HS2ST1: variants seen among roughly 807,000 people sequenced by gnomAD.
The protein encoded by HS2ST1 is heparan sulfate 2-O-sulfotransferase 1.
HS2ST1 carries 18 observed loss-of-function variants against 42.9 expected under a neutral mutation model. The observed-to-expected ratio is 0.42, with a 90% confidence interval of 0.29 to 0.62. HS2ST1 has a LOEUF of 0.62. HS2ST1 is among the 20% of genes least tolerant of loss of function. HS2ST1 has a pLI of 0.21. For synonymous variants in HS2ST1, 146 were observed against 152.9 expected (o/e 0.95, Z 0.33); for missense variants, 334 against 433.8 (o/e 0.77, Z 2.04).
chr1:87,092,964 A>G (rs928085050), intron 4 of HS2ST1, among the ~76,000 whole-genome samples: 4 of 152,004 alleles, frequency 2.6e-5, no homozygotes, highest in African/African-American at 7.2e-5. Context: ...CTAATATGAT[A>G]TATTTTTGTG....
chr1:87,031,141 A>G (rs1650228354), intron 1 of HS2ST1, among the ~76,000 whole-genome samples: 1 of 151,954 alleles, frequency 6.6e-6, no homozygotes, highest in Non-Finnish European at 1.5e-5. Flanking sequence ...GGGTTTTGCC[A>G]TGTTTCCCAG....
intron 1 of HS2ST1, among the ~76,000 whole-genome samples, chr1:86,953,824 A>G (rs112585337): frequency 0.029 from 4,364 of 152,076 alleles, 225 homozygotes; most frequent in African/African-American, 0.1. Context: ...TTGAGCACTT[A>G]GAGGCCATTA....
At position 87,105,314 on chromosome 1, in the gene HS2ST1, T is replaced by C. The variant is rs1652305162; in HGVS notation, c.*618T>C. ...AAATCAATTTAAATCATGACTAATA[T>C]GGTAAAAAGATAAAGCATCAAAGCA... On this transcript the variant is annotated 3_prime_UTR_variant, in exon 7 of 7. Coordinates refer to ENST00000370550, the MANE Select transcript of HS2ST1 (RefSeq NM_012262.4). The C allele has an allele frequency of 2.0e-5, 3 of 152,730 alleles. No homozygotes were observed. The highest frequency in any genetic ancestry group is 2.1e-4 in the South Asian group (1 of 4,830). 9.5% of individuals were successfully genotyped at this position (152,730 alleles called of 1,614,324 possible).
intron 1 of HS2ST1, among the ~76,000 whole-genome samples, chr1:86,985,849 A>G (rs1648768202): frequency 6.6e-6 from 1 of 152,090 alleles, no homozygotes; most frequent in Non-Finnish European, 1.5e-5. Context: ...TAAAATTTTA[A>G]TCTACAGCAA....
At chr1:86,963,203 G>A (rs187296266) in intron 1 of HS2ST1, among the ~76,000 whole-genome samples, 94 of 149,412 alleles carry the variant, frequency 6.3e-4, no homozygotes, top group African/African-American at 2.2e-3. Flanking sequence ...GGTGTTTCTC[G>A]CATAGGGGGA....
chr1:87,076,635 C>T (rs1384325364), intron 2 of HS2ST1, among the ~76,000 whole-genome samples: 6 of 152,052 alleles, frequency 3.9e-5, no homozygotes, highest in African/African-American at 1.5e-4. Context: ...TACATTTTTG[C>T]GATGGGCTTT....
chr1:86,934,140 G>A (rs879592626), intron 1 of HS2ST1, among the ~76,000 whole-genome samples: 2 of 152,130 alleles, frequency 1.3e-5, no homozygotes, highest in African/African-American at 4.8e-5. Context: ...GCTGGGAGGC[G>A]GCTGGAGTTT....
intron 1 of HS2ST1, among the ~76,000 whole-genome samples, chr1:87,068,969 A>T (rs1044542390): frequency 6.6e-6 from 1 of 152,142 alleles, no homozygotes; most frequent in African/African-American, 2.4e-5. Context: ...AGTAGCTGGG[A>T]CTACAGGTGC....
intron 1 of HS2ST1, among the ~76,000 whole-genome samples, chr1:87,017,954 A>T (rs1649807456): frequency 3.8e-5 from 1 of 26,302 alleles, no homozygotes; most frequent in South Asian, 2.7e-3. Context: ...TTTTAAAATT[A>T]GGAAAACAGG....
chr1:86,978,861 C>CTTTTTTTTTT (rs55812524), intron 1 of HS2ST1, among the ~76,000 whole-genome samples: 4 of 98,650 alleles, frequency 4.1e-5, no homozygotes, highest in East Asian at 3.4e-4. Context: ...ACTTGTGAAT[C>CTTTTTTTTTT]TTTTTTTTTT....
chr1:87,052,797 CAATT>C (rs1270022439), intron 1 of HS2ST1, among the ~76,000 whole-genome samples: 2 of 152,098 alleles, frequency 1.3e-5, no homozygotes, highest in Non-Finnish European at 2.9e-5. Context: ...TAATGGGGTA[CAATT>C]AATTAGTTAC....
chr1:86,926,401 A>G (rs962739905), intron 1 of HS2ST1, among the ~76,000 whole-genome samples: 3 of 152,150 alleles, frequency 2.0e-5, no homozygotes, highest in Non-Finnish European at 4.4e-5. Context: ...CCTTAATTCA[A>G]GGAGAATGTT....
chr1:87,050,351 ATTTTC>A (rs1650801284), intron 1 of HS2ST1, among the ~76,000 whole-genome samples: 1 of 151,714 alleles, frequency 6.6e-6, no homozygotes. Flanking sequence ...TAAAATTTCT[ATTTTC>A]TTTATTTTTC....
At chr1:86,929,064 A>G (rs550982744) in intron 1 of HS2ST1, among the ~76,000 whole-genome samples, 2 of 151,968 alleles carry the variant, frequency 1.3e-5, no homozygotes, top group Non-Finnish European at 3.0e-5. Flanking sequence ...TGTGTTTATA[A>G]GTGTTTTATG....
intron 1 of HS2ST1, among the ~76,000 whole-genome samples, chr1:86,974,201 A>G (rs1029634538): frequency 3.9e-5 from 6 of 152,188 alleles, no homozygotes; most frequent in Non-Finnish European, 7.3e-5. Flanking sequence ...AGTCCACACC[A>G]TAATTAGAAC....
intron 1 of HS2ST1, among the ~76,000 whole-genome samples, chr1:87,062,464 T>C (rs2100624299): frequency 6.6e-6 from 1 of 152,308 alleles, no homozygotes; most frequent in Admixed American, 6.5e-5. Context: ...TTTGTCTTTT[T>C]ATTCTCCCTC....
intron 1 of HS2ST1, among the ~76,000 whole-genome samples, chr1:87,069,913 T>C (rs1234936655): frequency 1.3e-5 from 2 of 152,212 alleles, no homozygotes; most frequent in Non-Finnish European, 2.9e-5. Flanking sequence ...GATGAGGTAA[T>C]TTTAAAACAA....
intron 1 of HS2ST1, among the ~76,000 whole-genome samples, chr1:87,058,932 G>T (rs1298516854): frequency 6.6e-6 from 1 of 151,892 alleles, no homozygotes; most frequent in Non-Finnish European, 1.5e-5. Context: ...GGTAGCAGGT[G>T]CCTGTAGTCC....
chr1:87,058,553 T>A (rs1191748247), intron 1 of HS2ST1, among the ~76,000 whole-genome samples: 1 of 151,616 alleles, frequency 6.6e-6, no homozygotes. Flanking sequence ...ATAATAGCCC[T>A]GTGTGACTAA....
Sources: gnomAD v4.1 joint callset for allele counts (sites outside exome capture counted in the v4.1 genomes callset) on GRCh38, gnomAD v4.1.1 for gene constraint, MANE v1.5 for transcripts, NCBI Gene and HGNC (gene_info 2026-07-23, HGNC 2026-07-21) for gene names.